TOM1: variants seen among roughly 807,000 people sequenced by gnomAD.
TOM1 encodes target of myb1 membrane trafficking protein, also known as target of Myb protein 1.
Under a neutral mutation model 61.3 loss-of-function variants are expected in TOM1, and 38 were observed. The observed-to-expected ratio is 0.62, with a 90% confidence interval of 0.48 to 0.81. The LOEUF (loss-of-function observed/expected upper bound fraction) is 0.81. TOM1 is among the 40% of genes least tolerant of loss of function. The pLI is 0.00. For missense variants in TOM1, 591 were observed against 659.6 expected (o/e 0.90, Z 1.14); for synonymous variants, 270 against 268.8 (o/e 1.00, Z -0.04).
chr22:35,300,048 C>G, intron 1 of TOM1, 68 bp downstream of exon 1: 1 of 1,523,406 alleles, frequency 6.6e-7, no homozygotes, highest in Non-Finnish European at 8.9e-7. Flanking sequence ...CCCTGGGAAG[C>G]CTCCGGGTGC....
chr22:35,315,171 G>A (rs781749410), intron 1 of TOM1, among the ~76,000 whole-genome samples: 24 of 152,110 alleles, frequency 1.6e-4, no homozygotes, highest in Non-Finnish European at 3.1e-4. Flanking sequence ...GTAGTCTAGC[G>A]GGAGGATGGT....
intron 1 of TOM1, 77 bp downstream of exon 1, chr22:35,300,057 G>A: frequency 2.0e-6 from 3 of 1,503,124 alleles, no homozygotes. Flanking sequence ...GCCTCCGGGT[G>A]CCTAGTCACG....
intron 1 of TOM1, among the ~76,000 whole-genome samples, chr22:35,314,594 C>G (rs534577689): frequency 3.9e-4 from 60 of 152,290 alleles, no homozygotes; most frequent in Non-Finnish European, 7.1e-4. Context: ...ATGTTCCCTC[C>G]TCCAGGAGAT....
chr22:35,346,400 C>A (rs1601723265), intron 13 of TOM1, among the ~76,000 whole-genome samples: 1 of 152,252 alleles, frequency 6.6e-6, no homozygotes, highest in East Asian at 1.9e-4. Context: ...GGTGAAGAGA[C>A]CATTTCTGCC....
intron 7 of TOM1, 65 bp from the exon 8 acceptor site, chr22:35,330,278 CAAAA>C: frequency 8.8e-7 from 1 of 1,142,422 alleles, no homozygotes; most frequent in Non-Finnish European, 1.2e-6. Context: ...CTCCGTCTCA[CAAAA>C]AAAAAAAGAG....
In TOM1 at chr22:35,323,068, ACGTGCTGGTGGCCAGCCAGGACTT is replaced by A; in HGVS notation, c.262_285del (p.Leu88_Val95del). The A allele has an allele frequency of 6.2e-7, 1 of 1,614,144 alleles. No individual in the cohort carries two copies. The highest frequency in any genetic ancestry group is 8.5e-7 in the Non-Finnish European group (1 of 1,180,032). ...GTCAAGAACTGCGGGCACCGCTTCC[ACGTGCTGGTGGCCAGCCAGGACTT>A]CGTGGAGAGTGTGCTGGTGAGGACC... On this transcript the variant is annotated inframe_deletion, in exon 4 of 15. Coordinates refer to ENST00000449058, the MANE Select transcript of TOM1 (RefSeq NM_005488.3). This position sits in a 1 kb window ranked among gnomAD's most constrained non-coding sequence, Gnocchi z 4.2.
At chr22:35,327,056 T>C (rs1368544659) in intron 6 of TOM1, among the ~76,000 whole-genome samples, 1 of 152,174 alleles carries the variant, frequency 6.6e-6, no homozygotes, top group African/African-American at 2.4e-5. Flanking sequence ...TAACGGTTGG[T>C]AGCGCCTCTG....
At chr22:35,341,107 C>A (rs891202568) in intron 12 of TOM1, among the ~76,000 whole-genome samples, 1 of 152,254 alleles carries the variant, frequency 6.6e-6, no homozygotes, top group African/African-American at 2.4e-5. Context: ...TTTGCTGAGC[C>A]TGTGCTCCGG....
At chr22:35,304,376 T>G (rs540357991) in intron 1 of TOM1, among the ~76,000 whole-genome samples, 1 of 152,306 alleles carries the variant, frequency 6.6e-6, no homozygotes, top group South Asian at 2.1e-4. Context: ...GGATTCCAGA[T>G]CCTTTGTACC....
chr22:35,317,290 A>G (rs1927377528), intron 1 of TOM1, among the ~76,000 whole-genome samples: 1 of 152,124 alleles, frequency 6.6e-6, no homozygotes, highest in South Asian at 2.1e-4. Context: ...CCTGGGATCA[A>G]ACGATTCTCC....
chr22:35,306,535 T>G (rs1926343472), intron 1 of TOM1, among the ~76,000 whole-genome samples: 1 of 152,214 alleles, frequency 6.6e-6, no homozygotes, highest in African/African-American at 2.4e-5. Flanking sequence ...CTGAATGGTC[T>G]GAGTCCTGGT....
intron 7 of TOM1, among the ~76,000 whole-genome samples, chr22:35,327,697 G>T (rs1037671829): frequency 6.6e-6 from 1 of 152,190 alleles, no homozygotes; most frequent in Admixed American, 6.5e-5. Context: ...AAACACGCAG[G>T]CTTGTGCCTG....
rs368429099 is a variant in TOM1, at chr22:35,334,451, G to A, written c.1148+3G>A. 6.2e-7 allele frequency: 1 copy of A among 1,613,748 alleles called. No individual in the cohort carries two copies. Among genetic ancestry groups the A allele is most frequent in the African/African-American group, 1.3e-5 (1 of 74,934 alleles). On this transcript the variant is annotated splice_donor_region_variant and intron_variant, in intron 11 of 14. Transcript: ENST00000449058. ...TCACTGGCTGACCAACGGAAAGAGT[G>A]AGTGGCCTGGCCCTGCCCTGGTCCC...
intron 11 of TOM1, among the ~76,000 whole-genome samples, chr22:35,336,034 G>C (rs1929299861): frequency 1.3e-5 from 2 of 152,178 alleles, no homozygotes; most frequent in South Asian, 4.1e-4. Context: ...GGGCTACAGA[G>C]AGGCAGTTGA....
intron 11 of TOM1, among the ~76,000 whole-genome samples, chr22:35,335,331 AG>A (rs1929214559): frequency 6.6e-6 from 1 of 152,216 alleles, no homozygotes; most frequent in Admixed American, 6.5e-5. Context: ...CAGAGAGCCC[AG>A]GGATAACCTC....
At chr22:35,337,234 AGTTGTTTT>A (rs1329210262) in intron 11 of TOM1, among the ~76,000 whole-genome samples, 1 of 152,202 alleles carries the variant, frequency 6.6e-6, no homozygotes, top group East Asian at 1.9e-4. Context: ...TGGCCCAGAT[AGTTGTTTT>A]GAGTGAAGGG....
At chr22:35,325,054 C>T (rs1008986772) in intron 6 of TOM1, among the ~76,000 whole-genome samples, 10 of 152,170 alleles carry the variant, frequency 6.6e-5, no homozygotes, top group African/African-American at 2.4e-4. Flanking sequence ...ATGACCAGCT[C>T]GTAGAGCTGG....
chr22:35,310,537 G>C (rs148784154), intron 1 of TOM1, among the ~76,000 whole-genome samples: 127 of 152,338 alleles, frequency 8.3e-4, no homozygotes, highest in African/African-American at 3.0e-3. Flanking sequence ...CTGGGCAACA[G>C]TGAGACTCTG....
intron 6 of TOM1, among the ~76,000 whole-genome samples, chr22:35,325,344 TTC>T (rs1262851811): frequency 6.6e-6 from 1 of 152,230 alleles, no homozygotes; most frequent in East Asian, 1.9e-4. Flanking sequence ...ATGATTTGTT[TTC>T]TCATAGCAAG....
Sources: allele counts gnomAD v4.1 joint callset (sites outside exome capture counted in the v4.1 genomes callset), GRCh38; gene constraint gnomAD v4.1.1; non-coding constraint Gnocchi (gnomAD v3.1); transcripts MANE v1.5; gene names NCBI Gene and HGNC (gene_info 2026-07-23, HGNC 2026-07-21).